Variants in NTN1 observed in about 807,000 individuals in gnomAD.
NTN1 encodes netrin-1.
A neutral mutation model predicts 54.2 loss-of-function variants in NTN1; 11 were observed. That is an observed-to-expected ratio of 0.20 (90% CI 0.13 to 0.34). NTN1 has a LOEUF of 0.34. Among genes scored for constraint, NTN1 ranks in the 10% least tolerant of loss-of-function variants. The pLI, the probability that NTN1 is intolerant of heterozygous loss-of-function variation, is 1.00. For synonymous variants in NTN1, 371 were observed against 382.0 expected, an observed-to-expected ratio of 0.97 and a Z score of 0.33; for missense variants, 740 against 893.1, an observed-to-expected ratio of 0.83 and a Z score of 2.18.
At chr17:9,007,104 T>C in the NTN1 span, among the ~76,000 whole-genome samples, 1 of 152,212 alleles carries the variant, frequency 6.6e-6, no homozygotes, top group Non-Finnish European at 1.5e-5. Flanking sequence ...CATTGTTTTC[T>C]TTTCTTTTCT....
chr17:9,150,617 G>A (rs558766699), intron 2 of NTN1, among the ~76,000 whole-genome samples: 8 of 152,346 alleles, frequency 5.3e-5, no homozygotes, highest in South Asian at 4.1e-4. Context: ...AGAGGGGCCC[G>A]CCCGCCGGGC....
intron 5 of NTN1, among the ~76,000 whole-genome samples, chr17:9,209,854 C>T (rs2142345303): frequency 6.6e-6 from 1 of 152,158 alleles, no homozygotes; most frequent in South Asian, 2.1e-4. Context: ...AGAGCCAGAC[C>T]CTGGCTCTTT....
chr17:9,193,934 A>AAC (rs1904545845), intron 5 of NTN1, among the ~76,000 whole-genome samples: 1 of 141,672 alleles, frequency 7.1e-6, no homozygotes, highest in African/African-American at 2.6e-5. Flanking sequence ...AAAAAAAAAA[A>AAC]AAAAAAAAAA....
In NTN1 at chr17:9,127,079, G is replaced by GT. The variant is rs370407384; in HGVS notation, c.1019-35734_1019-35733insT. ...TGAGATTGTGGTAGGGCCGGGGGGG[G>GT]GCAGGACAGGGAGTTAGGATTTTAT... On this transcript the variant is annotated intron_variant, in intron 2 of 6. Transcript: ENST00000173229. Among the ~76,000 whole-genome samples the GT allele has an allele frequency of 4.3e-5, 6 of 140,920 alleles. 1 individual carries two copies. The highest frequency in any genetic ancestry group is 5.2e-4 in the East Asian group (2 of 3,828). 92.4% of individuals were successfully genotyped at this position (140,920 alleles called of 152,430 possible).
intron 6 of NTN1, among the ~76,000 whole-genome samples, chr17:9,227,539 A>G (rs971924965): frequency 1.2e-4 from 17 of 141,348 alleles, no homozygotes; most frequent in African/African-American, 4.6e-4. Context: ...ACACAGATAC[A>G]CCATCACACA....
chr17:9,087,640 T>G (rs544485650), intron 2 of NTN1, among the ~76,000 whole-genome samples: 105 of 152,212 alleles, frequency 6.9e-4, no homozygotes, highest in African/African-American at 2.3e-3. Context: ...TCCTTAGACA[T>G]CCTCAGAGCT....
At chr17:9,166,149 T>TCCACCACCACCA (rs60014697) in intron 3 of NTN1, among the ~76,000 whole-genome samples, 2 of 111,352 alleles carry the variant, frequency 1.8e-5, no homozygotes, top group Non-Finnish European at 3.6e-5. Context: ...TCAACCCCCT[T>TCCACCACCACCA]CCACCACCAC....
chr17:9,106,590 T>G (rs1758829708), intron 2 of NTN1, among the ~76,000 whole-genome samples: 2 of 151,910 alleles, frequency 1.3e-5, no homozygotes, highest in South Asian at 4.2e-4. Context: ...CTCGGCTCAC[T>G]GCAACCTCCG....
intron 2 of NTN1, among the ~76,000 whole-genome samples, chr17:9,031,196 A>G (rs1047645664): frequency 1.3e-5 from 2 of 152,160 alleles, no homozygotes; most frequent in Non-Finnish European, 2.9e-5. Context: ...ACTGAGTCCT[A>G]TGTAAGGAAA....
chr17:9,053,345 G>A (rs2091967030), intron 2 of NTN1, among the ~76,000 whole-genome samples: 1 of 152,192 alleles, frequency 6.6e-6, no homozygotes, highest in Non-Finnish European at 1.5e-5. Context: ...AGCCCTTCCT[G>A]TTGCTACTGT....
At position 9,066,998 on chromosome 17, in the gene NTN1, CAAAA is replaced by C. The variant is rs71361855; in HGVS notation, c.1018+43621_1018+43624del. ...CCTGGGCGACAGAGTGACTCCATCTCAAAAAAAAAAAAAAAAAGGCACATTGAGC... is the reference window on the plus strand; with the variant it reads ...CCTGGGCGACAGAGTGACTCCATCTCAAAAAAAAAAAAAGGCACATTGAGC... On this transcript the variant is annotated intron_variant, in intron 2 of 6. Transcript: ENST00000173229. Among the ~76,000 whole-genome samples, 27 of 89,352 alleles carry C rather than the reference CAAAA, an allele frequency of 3.0e-4. 1 individual carries two copies. Among genetic ancestry groups the C allele is most frequent in the South Asian group, 1.9e-3 (5 of 2,600 alleles). The allele number at this position is 89,352 out of a possible 152,430, so 58.6% of individuals were successfully genotyped here.
At chr17:9,065,041 A>G (rs1359965785) in intron 2 of NTN1, among the ~76,000 whole-genome samples, 1 of 152,244 alleles carries the variant, frequency 6.6e-6, no homozygotes, top group African/African-American at 2.4e-5. Context: ...GGTTCAAACA[A>G]TTCTCCTGCC....
intron 5 of NTN1, among the ~76,000 whole-genome samples, chr17:9,198,439 G>A (rs937620933): frequency 7.9e-5 from 12 of 152,206 alleles, no homozygotes; most frequent in East Asian, 1.9e-4. Flanking sequence ...TGTGAGCTGC[G>A]TGCAGCTGGG....
intron 2 of NTN1, among the ~76,000 whole-genome samples, chr17:9,126,028 C>T (rs1464450754): frequency 1.3e-5 from 2 of 152,236 alleles, no homozygotes; most frequent in Non-Finnish European, 2.9e-5. Flanking sequence ...GGCCAGGCAT[C>T]GTCCCCAGCC....
chr17:9,180,042 G>A lies in NTN1; in HGVS notation c.1357+86G>A, dbSNP rs2092414084. ...AGGATGCTAGTCACTGATGTTCAGTGGGTTCCTTTTTTGGTTGGTTGAGTC... is the reference window on the plus strand; with the variant it reads ...AGGATGCTAGTCACTGATGTTCAGTAGGTTCCTTTTTTGGTTGGTTGAGTC... On this transcript the variant is annotated intron_variant, in intron 4 of 6. Transcript: ENST00000173229. The A allele has an allele frequency of 3.4e-6, 5 of 1,454,446 alleles. No individual in the cohort carries two copies. The Admixed American group carries it at 9.0e-5, about 26-fold the overall frequency. The allele number at this position is 1,454,446 out of a possible 1,614,324, so 90.1% of individuals were successfully genotyped here.
At chr17:9,236,172 C>T (rs998406830) in intron 6 of NTN1, among the ~76,000 whole-genome samples, 4 of 152,006 alleles carry the variant, frequency 2.6e-5, no homozygotes, top group African/African-American at 7.3e-5. Context: ...CTAAGAGGCC[C>T]GTCCTCGAGG....
At chr17:9,118,512 A>G (rs1314114941) in intron 2 of NTN1, among the ~76,000 whole-genome samples, 3 of 152,166 alleles carry the variant, frequency 2.0e-5, no homozygotes, top group Admixed American at 1.3e-4. Flanking sequence ...AACTCTGTCT[A>G]AAAAACAAAA....
intron 5 of NTN1, among the ~76,000 whole-genome samples, chr17:9,188,104 A>G (rs4791343): frequency 0.9 from 137,180 of 152,254 alleles, 61,872 homozygotes; most frequent in East Asian, 1. Flanking sequence ...TGTTGTGAAC[A>G]GACTTAATGC....
At chr17:9,090,310 G>A (rs1389643993) in intron 2 of NTN1, among the ~76,000 whole-genome samples, 1 of 151,884 alleles carries the variant, frequency 6.6e-6, no homozygotes, top group African/African-American at 2.4e-5. Context: ...CAAGTAGCTG[G>A]GACTACAGGC....
Sources: allele counts gnomAD v4.1 joint callset (sites outside exome capture counted in the v4.1 genomes callset), GRCh38; gene constraint gnomAD v4.1.1; transcripts MANE v1.5; gene names NCBI Gene and HGNC (gene_info 2026-07-23, HGNC 2026-07-21).